COL20A1: variants seen among roughly 807,000 people sequenced by gnomAD.
The protein encoded by COL20A1 is collagen type XX alpha 1 chain.
A neutral mutation model predicts 152.9 loss-of-function variants in COL20A1; 164 were observed. The observed-to-expected ratio is 1.07, with a 90% CI of 0.94 to 1.22. The LOEUF is 1.22. Ranked by LOEUF, COL20A1 falls within the 50% of genes most tolerant of loss-of-function variation. The pLI is 0.00. For missense variants in COL20A1, 1,873 were observed against 1,744.8 expected (o/e 1.07, Z -1.31); for synonymous variants, 864 against 756.0 (o/e 1.14, Z -2.34).
rs1333141835 is a variant in COL20A1, at chr20:63,306,152, T to C, written c.496+113T>C. ...TCCTCGTGTCTGACCACACGGTCTCTGACCACGAGGCCAGGAAGTTCTTCC... is the reference window on the plus strand; with the variant it reads ...TCCTCGTGTCTGACCACACGGTCTCCGACCACGAGGCCAGGAAGTTCTTCC... On this transcript the variant is annotated intron_variant, in intron 5 of 35. Coordinates refer to ENST00000358894, the MANE Select transcript of COL20A1 (RefSeq NM_020882.4). The surrounding 1 kb of genome is among the most constrained non-coding windows in gnomAD (Gnocchi z 6.9). The C allele has an allele frequency of 1.8e-4, 168 of 952,462 alleles. 1 individual carries two copies. In the Admixed American group the frequency reaches 4.8e-3, roughly 27 times the overall value. The allele number at this position is 952,462 out of a possible 1,614,324, so 59.0% of individuals were successfully genotyped here.
At chr20:63,325,521 C>A in intron 28 of COL20A1, 27 bp downstream of exon 28, 5 of 1,604,468 alleles carry the variant, frequency 3.1e-6, no homozygotes, top group Non-Finnish European at 2.6e-6. Flanking sequence ...CAGGGGGCCA[C>A]AGGGGTTGGT....
Position 63,319,640 on chromosome 20 carries a change from T to G in COL20A1, c.2916+44T>G. ...CCCCTCTCCCCCGTTCCCCCAGCTC[T>G]GGGGCAGCCCAGCCCCACAGGGACC... On this transcript the variant is annotated intron_variant, in intron 23 of 35. Transcript: ENST00000358894. This position sits in a 1 kb window ranked among gnomAD's most constrained non-coding sequence, Gnocchi z 4.4. 7.8e-6 allele frequency: 11 copies of G among 1,407,592 alleles called. No homozygotes were observed. The highest frequency in any genetic ancestry group is 1.1e-5 in the Non-Finnish European group (11 of 1,020,166). 87.2% of individuals were successfully genotyped at this position (1,407,592 alleles called of 1,614,324 possible).
At position 63,320,066 on chromosome 20, in the gene COL20A1, G is replaced by C; in HGVS notation, c.2944G>C (p.Val982Leu). Reference sequence around the variant, plus strand: ...GCACGTGGCTGTGGGCCGCTCCAAGGTCAGGCTCTATGTGGACTGCCGGAA... The same window carrying C: ...GCACGTGGCTGTGGGCCGCTCCAAGCTCAGGCTCTATGTGGACTGCCGGAA... ...KVHVAVGRSK[V>L]RLYVDCRKVA... Residue 982 changes from valine (V) to leucine (L), a missense_variant, in exon 24 of 36, where the codon GTC (valine) becomes CTC (leucine). By Grantham distance (32) the Val-to-Leu change is conservative. Coordinates refer to ENST00000358894, the MANE Select transcript of COL20A1 (RefSeq NM_020882.4). 1 of 1,555,698 alleles carries C rather than the reference G, an allele frequency of 6.4e-7. No homozygotes were observed. The highest frequency in any genetic ancestry group is 8.7e-7 in the Non-Finnish European group (1 of 1,150,444).
chr20:63,334,125 A>G lies in COL20A1; in HGVS notation c.*3409A>G, dbSNP rs1215443769. ...TGTGTGGAATATCCACACACTAACCATGAACTGGGCCATAAGAAACCTTAC... is the reference window on the plus strand; with the variant it reads ...TGTGTGGAATATCCACACACTAACCGTGAACTGGGCCATAAGAAACCTTAC... On this transcript the variant is annotated 3_prime_UTR_variant, in exon 36 of 36. Coordinates refer to ENST00000358894, the MANE Select transcript of COL20A1 (RefSeq NM_020882.4). The G allele has an allele frequency of 1.3e-5, 2 of 152,168 alleles. No individual in the cohort carries two copies. Among genetic ancestry groups the G allele is most frequent in the Non-Finnish European group, 2.9e-5 (2 of 68,036 alleles). The allele number at this position is 152,168 out of a possible 1,614,324, so 9.4% of individuals were successfully genotyped here.
intron 2 of COL20A1, among the ~76,000 whole-genome samples, chr20:63,295,545 T>G (rs1025300578): frequency 6.6e-6 from 1 of 152,014 alleles, no homozygotes; most frequent in Middle Eastern, 3.2e-3. Flanking sequence ...CGCCTCCCAC[T>G]GGTGTTTTGG....
At chr20:63,303,281 A>C (rs2067881576) in intron 3 of COL20A1, among the ~76,000 whole-genome samples, 1 of 152,192 alleles carries the variant, frequency 6.6e-6, no homozygotes, top group Non-Finnish European at 1.5e-5. Context: ...GGCTGGACTC[A>C]AACTCCTGGG....
chr20:63,299,591 A>T (rs2067840744), intron 3 of COL20A1, among the ~76,000 whole-genome samples: 1 of 152,212 alleles, frequency 6.6e-6, no homozygotes, highest in African/African-American at 2.4e-5. Context: ...GTCAGCCCTT[A>T]GCCCAGTGCC....
rs760115786 is a variant in COL20A1 at position 63,328,501 on chromosome 20, A to G, written c.3781+3A>G. On this transcript the variant is annotated splice_donor_region_variant and intron_variant, in intron 34 of 35. Coordinates refer to ENST00000358894, the MANE Select transcript of COL20A1 (RefSeq NM_020882.4). The stretch of plus-strand genomic sequence containing the variant: ...TGGCCGCCACCTTGAGGGCAGAGGT[A>G]CTGGGCTCCTGGCTCTTGGGGAGGG... The G allele has an allele frequency of 3.1e-6, 5 of 1,606,704 alleles. No homozygotes were observed. In the South Asian group the frequency reaches 5.5e-5, roughly 18 times the overall value.
chr20:63,334,750 C>G lies in COL20A1; in HGVS notation c.*4034C>G, dbSNP rs935258668. ...TAAACACAGTTTTTAGGGAAGATTC[C>G]AACTCAAACAATTTTAAATAGTAGA... On this transcript the variant is annotated 3_prime_UTR_variant, in exon 36 of 36. Transcript: ENST00000358894. 6.6e-6 allele frequency: 1 copy of G among 152,226 alleles called. No homozygotes were observed. Among genetic ancestry groups the G allele is most frequent in the Non-Finnish European group, 1.5e-5 (1 of 68,060 alleles). 9.4% of individuals were successfully genotyped at this position (152,226 alleles called of 1,614,324 possible). A position where few individuals can be genotyped will look rare whatever the true frequency, so the allele number is the denominator to read the frequency against.
chr20:63,329,414 G>GTGGAGCACGGGGACCTGGCACGC (rs2068302200), intron 34 of COL20A1, 171 bp from the exon 35 acceptor site: 2 of 613,936 alleles, frequency 3.3e-6, no homozygotes, highest in Non-Finnish European at 5.8e-6. Context: ...AGGCGCCTGT[G>GTGGAGCACGGGGACCTGGCACGC]TGGAGCACGG....
rs182599262 is a variant in COL20A1 at position 63,319,311 on chromosome 20, C to T, written c.2806+111C>T. On this transcript the variant is annotated intron_variant, in intron 22 of 35. Coordinates refer to ENST00000358894, the MANE Select transcript of COL20A1 (RefSeq NM_020882.4). This position sits in a 1 kb window ranked among gnomAD's most constrained non-coding sequence, Gnocchi z 4.4. ...TCCAGCCTCCAGGCCAGGCCCTCAG[C>T]ACCCTCTGGGTGGGAGGCAGGTGTC... The T allele has an allele frequency of 1.7e-3, 2,195 of 1,264,274 alleles. 38 individuals carry two copies. In the South Asian group the frequency reaches 0.02, roughly 12 times the overall value. The allele number at this position is 1,264,274 out of a possible 1,614,324, so 78.3% of individuals were successfully genotyped here. A position where few individuals can be genotyped will look rare whatever the true frequency, so the allele number is the denominator to read the frequency against.
At chr20:63,317,202 C>A (rs937436877) in intron 21 of COL20A1, among the ~76,000 whole-genome samples, 1 of 152,148 alleles carries the variant, frequency 6.6e-6, no homozygotes. Context: ...AAGGCGGAAG[C>A]CAGGTGTGGT....
rs2067917025 is a variant in COL20A1 at position 63,305,800 on chromosome 20, CT to C, written c.338-79del. On this transcript the variant is annotated intron_variant, in intron 4 of 35. Coordinates refer to ENST00000358894, the MANE Select transcript of COL20A1 (RefSeq NM_020882.4). The surrounding 1 kb of genome is among the most constrained non-coding windows in gnomAD (Gnocchi z 4.9). ...GGCCCTCAGCACCCACAGATGCGCC[CT>C]TGAAGGGGTGTATGTGCAGCTGCCC... The C allele has an allele frequency of 1.4e-6, 2 of 1,436,782 alleles. No individual in the cohort carries two copies. The highest frequency in any genetic ancestry group is 3.5e-5 in the Admixed American group (2 of 56,908). 89.0% of individuals were successfully genotyped at this position (1,436,782 alleles called of 1,614,324 possible). A position where few individuals can be genotyped will look rare whatever the true frequency, so the allele number is the denominator to read the frequency against.
intron 31 of COL20A1, 38 bp downstream of exon 31, chr20:63,326,861 T>TG (rs750380903): frequency 5.6e-5 from 80 of 1,430,462 alleles, no homozygotes; most frequent in South Asian, 5.5e-4. Context: ...CAACCAAAGG[T>TG]GGGGGAGCGA....
chr20:63,308,894 C>T (rs964267405), intron 8 of COL20A1, among the ~76,000 whole-genome samples, 188 bp downstream of exon 8: 5 of 152,194 alleles, frequency 3.3e-5, no homozygotes, highest in African/African-American at 1.2e-4. Context: ...TGCTCCTTTC[C>T]AATCGCCTGG....
Position 63,305,866 on chromosome 20 carries a change from T to C in COL20A1, c.338-15T>C. On this transcript the variant is annotated splice_polypyrimidine_tract_variant and intron_variant, in intron 4 of 35. Transcript: ENST00000358894. The surrounding 1 kb of genome is among the most constrained non-coding windows in gnomAD (Gnocchi z 4.9). ...CTCCACTCCCACCCTGATGGCTCTT[T>C]GTGTCTCCCTGCAGTTGAGGATCTG... The C allele has an allele frequency of 1.2e-6, 2 of 1,612,746 alleles. No individual in the cohort carries two copies. The highest frequency in any genetic ancestry group is 1.7e-6 in the Non-Finnish European group (2 of 1,179,600).
intron 27 of COL20A1, among the ~76,000 whole-genome samples, 200 bp downstream of exon 27, chr20:63,322,311 C>T (rs1472361738): frequency 6.6e-6 from 1 of 152,166 alleles, no homozygotes; most frequent in Non-Finnish European, 1.5e-5. Flanking sequence ...CCCCCATGTG[C>T]CTGCAGGGCG....
At chr20:63,321,196 C>A in intron 26 of COL20A1, 97 bp downstream of exon 26, 1 of 736,344 alleles carries the variant, frequency 1.4e-6, no homozygotes, top group South Asian at 1.7e-5. Flanking sequence ...CCGCCCCGGT[C>A]CATGCCCCCG....
chr20:63,309,218 G>C, intron 8 of COL20A1, 115 bp from the exon 9 acceptor site: 1 of 816,252 alleles, frequency 1.2e-6, no homozygotes, highest in Non-Finnish European at 1.7e-6. Context: ...GGTGGGCCGA[G>C]TACAGCCCAT....
Sources: gnomAD v4.1 joint callset for allele counts (sites outside exome capture counted in the v4.1 genomes callset) on GRCh38, gnomAD v4.1.1 for gene constraint, Gnocchi (gnomAD v3.1) non-coding constraint, MANE v1.5 for transcripts, NCBI Gene and HGNC (gene_info 2026-07-23, HGNC 2026-07-21) for gene names.